The following PCDHGB3 variants were observed in gnomAD, a reference collection of about 807,000 sequenced individuals.
PCDHGB3 encodes protocadherin gamma-B3.
In PCDHGB3, 40 loss-of-function variants were observed where a neutral mutation model predicts 59.2. The observed-to-expected ratio is 0.68, with a 90% CI of 0.52 to 0.88. The LOEUF (loss-of-function observed/expected upper bound fraction) is 0.88. Ranked by LOEUF, PCDHGB3 falls within the 40% of genes least tolerant of loss-of-function variation. The pLI is 0.00. For missense variants in PCDHGB3, 1,309 were observed against 1,187.9 expected, an observed-to-expected ratio of 1.10 and a Z score of -1.50; for synonymous variants, 581 against 503.6, an observed-to-expected ratio of 1.15 and a Z score of -2.06.
At chr5:141,423,240 A>G (rs1260661059) in intron 1 of PCDHGB3, 1 of 1,613,932 alleles carries the variant, frequency 6.2e-7, no homozygotes, top group Middle Eastern at 1.6e-4. Context: ...GCATCCCCGA[A>G]GTCCTGGCGG....
At chr5:141,375,097 G>A in intron 1 of PCDHGB3, 1 of 1,613,904 alleles carries the variant, frequency 6.2e-7, no homozygotes, top group Non-Finnish European at 8.5e-7. Flanking sequence ...TAACTATCTT[G>A]GATGTCAATG....
chr5:141,432,934 G>A lies in PCDHGB3; in HGVS notation c.2415+60125G>A. The stretch of plus-strand genomic sequence containing the variant: ...GGCGCTGGCACAAGTCACGCCTGCT[G>A]CAGGCTTCAGGAGGCGGCTTGACAG... On this transcript the variant is annotated intron_variant, in intron 1 of 3. Transcript: ENST00000576222. This position sits in a 1 kb window ranked among gnomAD's most constrained non-coding sequence, Gnocchi z 6.0. 1.9e-6 allele frequency: 3 copies of A among 1,614,196 alleles called. No individual in the cohort carries two copies. Among genetic ancestry groups the A allele is most frequent in the Non-Finnish European group, 2.5e-6 (3 of 1,180,040 alleles).
At chr5:141,400,250 C>T (rs2093990136) in intron 1 of PCDHGB3, 1 of 1,614,066 alleles carries the variant, frequency 6.2e-7, no homozygotes, top group Non-Finnish European at 8.5e-7. Flanking sequence ...CTGGCCGTTG[C>T]CTTGCGCCTG....
intron 1 of PCDHGB3, chr5:141,410,343 G>C: frequency 6.2e-7 from 1 of 1,613,964 alleles, no homozygotes; most frequent in Non-Finnish European, 8.5e-7. Flanking sequence ...ATTGCCTTGC[G>C]CCTGCGACGC....
At chr5:141,430,837 C>G (rs1350348914) in intron 1 of PCDHGB3, 1 of 1,560,074 alleles carries the variant, frequency 6.4e-7, no homozygotes, top group Non-Finnish European at 8.6e-7. Context: ...TGTGGGAGAC[C>G]GGATGCACCC....
Position 141,404,599 on chromosome 5 carries a change from A to G in PCDHGB3, c.2415+31790A>G. 2.5e-6 allele frequency: 4 copies of G among 1,613,988 alleles called. 1 individual carries two copies. In the East Asian group the frequency reaches 8.9e-5, roughly 36 times the overall value. ...CACTTAGCAGCAATGTGTCATTGAG[A>G]CTGTTTGTTTTGGACCAGAATGACA... is the stretch of plus-strand genomic sequence containing the variant. On this transcript the variant is annotated intron_variant, in intron 1 of 3. Coordinates refer to ENST00000576222, the MANE Select transcript of PCDHGB3 (RefSeq NM_018924.5).
intron 1 of PCDHGB3, chr5:141,392,959 C>T (rs2092637209): frequency 6.2e-7 from 1 of 1,613,902 alleles, no homozygotes; most frequent in African/African-American, 1.3e-5. Flanking sequence ...GGTAATATCT[C>T]CAAGGACCTG....
chr5:141,505,413 C>T lies in PCDHGB3; in HGVS notation c.2495C>T (p.Thr832Ile), dbSNP rs1240988786. ...CCCAGCTCCCAAAATGGCGATGACA[C>T]CGGCACCTGGCCCAACAACCAGTTT... is the stretch of plus-strand genomic sequence containing the variant. ...GTSGSQNGDD[T>I]GTWPNNQFDT... Residue 832 changes from threonine to isoleucine, a missense_variant, in exon 3 of 4, where the codon ACC becomes ATC. By Grantham distance (89) the Thr-to-Ile change is moderately conservative. Coordinates refer to ENST00000576222, the MANE Select transcript of PCDHGB3 (RefSeq NM_018924.5). 10 of 1,614,202 alleles carry T rather than the reference C, an allele frequency of 6.2e-6. No homozygotes were observed. Among genetic ancestry groups the T allele is most frequent in the Non-Finnish European group, 7.6e-6 (9 of 1,180,046 alleles).
chr5:141,413,446 G>T, intron 1 of PCDHGB3: 4 of 1,614,130 alleles, frequency 2.5e-6, no homozygotes, highest in Non-Finnish European at 3.4e-6. Context: ...CTTGATCACC[G>T]CGGGCAGGAT....
chr5:141,431,460 A>C lies in PCDHGB3; in HGVS notation c.2415+58651A>C, dbSNP rs761879594. On this transcript the variant is annotated intron_variant, in intron 1 of 3. Coordinates refer to ENST00000576222, the MANE Select transcript of PCDHGB3 (RefSeq NM_018924.5). This position sits in a 1 kb window ranked among gnomAD's most constrained non-coding sequence, Gnocchi z 4.8. ...GCGCGCATCCGCGTGATGGTTCTGGATGCGAACGACAACGCACCAGCGTTT... is the reference window on the plus strand; with the variant it reads ...GCGCGCATCCGCGTGATGGTTCTGGCTGCGAACGACAACGCACCAGCGTTT... 8.1e-6 allele frequency: 13 copies of C among 1,613,676 alleles called. No individual in the cohort carries two copies. The highest frequency in any genetic ancestry group is 1.1e-5 in the Non-Finnish European group (13 of 1,179,984).
intron 1 of PCDHGB3, chr5:141,415,589 T>C: frequency 1.2e-6 from 2 of 1,614,062 alleles, no homozygotes; most frequent in Non-Finnish European, 1.7e-6. Flanking sequence ...AAGTTTCCTA[T>C]AGAGGATACC....
chr5:141,465,313 T>C (rs113508011), intron 1 of PCDHGB3, among the ~76,000 whole-genome samples: 5 of 152,312 alleles, frequency 3.3e-5, no homozygotes, highest in Admixed American at 6.5e-5. Context: ...AATTTAGCCA[T>C]GTCAATGCAG....
chr5:141,485,426 C>T lies in PCDHGB3; in HGVS notation c.2416-9381C>T. 6.2e-7 allele frequency: 1 copy of T among 1,614,158 alleles called. No individual in the cohort carries two copies. Among genetic ancestry groups the T allele is most frequent in the South Asian group, 1.1e-5 (1 of 91,078 alleles). ...TGTGGATTTGGACAGCGGAGCCCTGCTCATCAAGAACCCAATCGACCGAGA... is the reference window on the plus strand; with the variant it reads ...TGTGGATTTGGACAGCGGAGCCCTGTTCATCAAGAACCCAATCGACCGAGA... On this transcript the variant is annotated intron_variant, in intron 1 of 3. Transcript: ENST00000576222. The surrounding 1 kb of genome is among the most constrained non-coding windows in gnomAD (Gnocchi z 5.7).
Position 141,476,702 on chromosome 5 carries a change from C to CTGG in PCDHGB3, c.2416-18102_2416-18100dup, listed in dbSNP as rs1562056101. On this transcript the variant is annotated intron_variant, in intron 1 of 3. Coordinates refer to ENST00000576222, the MANE Select transcript of PCDHGB3 (RefSeq NM_018924.5). This position sits in a 1 kb window ranked among gnomAD's most constrained non-coding sequence, Gnocchi z 7.6. ...GGAGGACAGCACCAAGTACGCGGAG[C>CTGG]TGGTGTTGGAGCGCGCCCTGGACCG... 5 of 1,614,222 alleles carry CTGG rather than the reference C, an allele frequency of 3.1e-6. No homozygotes were observed. The highest frequency in any genetic ancestry group is 4.2e-6 in the Non-Finnish European group (5 of 1,180,042).
At chr5:141,418,740 TG>T in intron 1 of PCDHGB3, 1 of 1,613,972 alleles carries the variant, frequency 6.2e-7, no homozygotes, top group Non-Finnish European at 8.5e-7. Context: ...GTGTTCTCTC[TG>T]GATTACACTA....
chr5:141,393,642 G>C, intron 1 of PCDHGB3: 1 of 1,613,940 alleles, frequency 6.2e-7, no homozygotes, highest in Non-Finnish European at 8.5e-7. Context: ...CAACGGAAAA[G>C]TGGCATACAA....
rs752088903 is a variant in PCDHGB3, at chr5:141,490,784, G to A, written c.2416-4023G>A. The A allele has an allele frequency of 1.7e-5, 27 of 1,613,906 alleles. No individual in the cohort carries two copies. The highest frequency in any genetic ancestry group is 1.2e-4 in the African/African-American group (9 of 74,922). The stretch of plus-strand genomic sequence containing the variant: ...GTGTATGTCAACCCAGAGGATGGAC[G>A]GATCTTTGCCCAGCGTACCTTTGAC... On this transcript the variant is annotated intron_variant, in intron 1 of 3. Transcript: ENST00000576222. This position sits in a 1 kb window ranked among gnomAD's most constrained non-coding sequence, Gnocchi z 5.4.
chr5:141,403,215 G>A (rs2150961720), intron 1 of PCDHGB3: 1 of 1,613,996 alleles, frequency 6.2e-7, no homozygotes, highest in South Asian at 1.1e-5. Flanking sequence ...GTCACCGCGG[G>A]TAGGATAGAC....
At chr5:141,483,637 G>A (rs1365525499) in intron 1 of PCDHGB3, among the ~76,000 whole-genome samples, 1 of 145,878 alleles carries the variant, frequency 6.9e-6, no homozygotes, top group South Asian at 2.1e-4. Flanking sequence ...AAGGTATAGA[G>A]GGGTGTGTGT....
Sources: gnomAD v4.1 joint callset for allele counts (sites outside exome capture counted in the v4.1 genomes callset) on GRCh38, gnomAD v4.1.1 for gene constraint, Gnocchi (gnomAD v3.1) non-coding constraint, MANE v1.5 for transcripts, NCBI Gene and HGNC (gene_info 2026-07-23, HGNC 2026-07-21) for gene names.